Variants in CTNNA3 observed in about 807,000 individuals in gnomAD.
The protein encoded by CTNNA3 is catenin alpha 3, also known as catenin alpha-3.
A neutral mutation model predicts 95.7 loss-of-function variants in CTNNA3; 76 were observed. The ratio of observed to expected loss-of-function variants is 0.79; its 90% confidence interval spans 0.66 to 0.96. The LOEUF is 0.96. CTNNA3 is among the 40% of genes least tolerant of loss of function. The pLI is 0.00. For missense variants in CTNNA3, 1,191 were observed against 1,089.8 expected (o/e 1.09, Z -1.31); for synonymous variants, 431 against 374.4 (o/e 1.15, Z -1.74).
chr10:66,474,644 C>G (rs1326936767), intron 11 of CTNNA3, among the ~76,000 whole-genome samples: 1 of 151,948 alleles, frequency 6.6e-6, no homozygotes, highest in South Asian at 2.1e-4. Context: ...AATGGCTGTA[C>G]TAATTTAGAT....
intron 5 of CTNNA3, among the ~76,000 whole-genome samples, chr10:67,420,139 A>G (rs113571703): frequency 8.8e-4 from 134 of 152,330 alleles, no homozygotes; most frequent in African/African-American, 3.0e-3. Flanking sequence ...TTAAAAGCCA[A>G]CATCAGCTAA....
chr10:67,572,243 C>T (rs972914146), intron 3 of CTNNA3, among the ~76,000 whole-genome samples: 1 of 151,780 alleles, frequency 6.6e-6, no homozygotes, highest in Non-Finnish European at 1.5e-5. Flanking sequence ...TAAAATATGA[C>T]TACCAAAATA....
At chr10:66,861,547 A>C (rs891421672) in intron 7 of CTNNA3, among the ~76,000 whole-genome samples, 8 of 152,186 alleles carry the variant, frequency 5.3e-5, no homozygotes. Context: ...CCTGAACTAG[A>C]ATAAGCAGGT....
At chr10:67,648,750 TC>T (rs1589532099) in intron 1 of CTNNA3, 2 of 1,289,766 alleles carry the variant, frequency 1.6e-6, no homozygotes, top group East Asian at 1.1e-4. Flanking sequence ...CTTGTTTCTC[TC>T]TCCTTTGCGT....
At chr10:66,163,024 C>G (rs948424905) in intron 13 of CTNNA3, among the ~76,000 whole-genome samples, 5 of 152,044 alleles carry the variant, frequency 3.3e-5, no homozygotes, top group Admixed American at 6.6e-5. Context: ...CACCCAGCTC[C>G]CACATAAACT....
chr10:66,553,616 C>T (rs1366917797), intron 10 of CTNNA3, among the ~76,000 whole-genome samples: 1 of 146,886 alleles, frequency 6.8e-6, no homozygotes, highest in Non-Finnish European at 1.5e-5. Flanking sequence ...CAACCTCTGC[C>T]TCCTGGGTTC....
intron 9 of CTNNA3, among the ~76,000 whole-genome samples, chr10:66,645,316 A>G (rs4746614): frequency 0.18 from 27,224 of 151,854 alleles, 3,778 homozygotes; most frequent in African/African-American, 0.37. Flanking sequence ...TGTTCTAAAC[A>G]TTTTGTATTT....
rs1221146658 is a variant in CTNNA3, at chr10:66,511,740, C to T, written c.1531+8877G>A. The stretch of plus-strand genomic sequence containing the variant: ...AACCTGAGAATACATGGTATAATTG[C>T]ATTTTTGAAAAAATTATTTAGAGTT... On this transcript the variant is annotated intron_variant, in intron 11 of 17. Coordinates refer to ENST00000433211, the MANE Select transcript of CTNNA3 (RefSeq NM_013266.4). Among the ~76,000 whole-genome samples the T allele has an allele frequency of 4.0e-5, 6 of 151,752 alleles. No homozygotes were observed. The South Asian group carries it at 1.0e-3, about 26-fold the overall frequency.
chr10:66,447,914 C>T (rs1288861277), intron 11 of CTNNA3, among the ~76,000 whole-genome samples: 5 of 152,114 alleles, frequency 3.3e-5, no homozygotes, highest in African/African-American at 9.7e-5. Context: ...AGAATATTTT[C>T]GCAACCTACT....
At chr10:67,194,066 C>T (rs760620710) in intron 6 of CTNNA3, among the ~76,000 whole-genome samples, 2 of 151,934 alleles carry the variant, frequency 1.3e-5, no homozygotes, top group East Asian at 1.9e-4. Context: ...ATCAGTGATG[C>T]TGAGCTTTTT....
In CTNNA3 at chr10:67,161,726, T is replaced by G. The variant is rs560436289; in HGVS notation, c.1047+18591A>C. Reference sequence around the variant, plus strand: ...ATATACATGGTCTAAATACACCAATTAAAAGACAGAGGTTAGCAGAACAGA... The same window carrying G: ...ATATACATGGTCTAAATACACCAATGAAAAGACAGAGGTTAGCAGAACAGA... On this transcript the variant is annotated intron_variant, in intron 7 of 17. Coordinates refer to ENST00000433211, the MANE Select transcript of CTNNA3 (RefSeq NM_013266.4). Among the ~76,000 whole-genome samples, 291 of 152,122 alleles carry G rather than the reference T, an allele frequency of 1.9e-3. 3 individuals carry two copies. The highest frequency in any genetic ancestry group is 6.6e-3 in the African/African-American group (276 of 41,544).
At chr10:65,982,928 G>T (rs2078354824) in intron 16 of CTNNA3, among the ~76,000 whole-genome samples, 1 of 151,340 alleles carries the variant, frequency 6.6e-6, no homozygotes, top group South Asian at 2.1e-4. Context: ...TAGTTTCATT[G>T]AAATAATTTT....
chr10:66,774,180 G>A (rs1338828868), intron 8 of CTNNA3, among the ~76,000 whole-genome samples: 4 of 152,154 alleles, frequency 2.6e-5, no homozygotes, highest in South Asian at 2.1e-4. Flanking sequence ...AGACACGAAC[G>A]AGAGACACAA....
At chr10:66,827,875 A>G (rs944441073) in intron 7 of CTNNA3, among the ~76,000 whole-genome samples, 3 of 152,222 alleles carry the variant, frequency 2.0e-5, no homozygotes, top group African/African-American at 7.2e-5. Flanking sequence ...GGAGAAAGAA[A>G]TTGCCTTTCT....
intron 7 of CTNNA3, among the ~76,000 whole-genome samples, chr10:67,119,925 A>G (rs944139906): frequency 5.9e-5 from 9 of 152,022 alleles, no homozygotes; most frequent in Middle Eastern, 3.4e-3. Context: ...GGCAGGCAGA[A>G]TCCACCACTG....
intron 3 of CTNNA3, among the ~76,000 whole-genome samples, chr10:67,544,361 C>T (rs1162155703): frequency 1.3e-5 from 2 of 151,970 alleles, no homozygotes; most frequent in African/African-American, 4.8e-5. Flanking sequence ...CCAAAAAAAA[C>T]AGGATGAGCC....
At chr10:66,041,245 T>C (rs1373107130) in intron 15 of CTNNA3, among the ~76,000 whole-genome samples, 1 of 152,076 alleles carries the variant, frequency 6.6e-6, no homozygotes, top group East Asian at 1.9e-4. Flanking sequence ...AGTGGCAAGG[T>C]CATGAAAGAC....
At chr10:66,335,027 A>G (rs1018189446) in intron 12 of CTNNA3, among the ~76,000 whole-genome samples, 6 of 152,070 alleles carry the variant, frequency 3.9e-5, no homozygotes, top group Non-Finnish European at 8.8e-5. Flanking sequence ...CGAATCGGCT[A>G]CTGAGGCTTA....
chr10:67,700,589 C>A (rs950015500), upstream of CTNNA3, among the ~76,000 whole-genome samples: 2 of 152,156 alleles, frequency 1.3e-5, no homozygotes, highest in Admixed American at 1.3e-4. Flanking sequence ...GGAAAACTAA[C>A]AAACAGAAAG....
Sources: allele counts gnomAD v4.1 joint callset (sites outside exome capture counted in the v4.1 genomes callset), GRCh38; gene constraint gnomAD v4.1.1; transcripts MANE v1.5; gene names NCBI Gene and HGNC (gene_info 2026-07-23, HGNC 2026-07-21).